DGKB: variants seen among roughly 807,000 people sequenced by gnomAD.
The protein encoded by DGKB is 90 kDa diacylglycerol kinase.
In DGKB, 67 loss-of-function variants were observed where a neutral mutation model predicts 114.3. That is an observed-to-expected ratio of 0.59 (90% confidence interval 0.48 to 0.72). The LOEUF is 0.72. DGKB is among the 30% of genes least tolerant of loss of function. DGKB has a pLI of 0.00. For missense variants in DGKB, 907 were observed against 975.2 expected, an observed-to-expected ratio of 0.93 and a Z score of 0.93; for synonymous variants, 398 against 323.1, an observed-to-expected ratio of 1.23 and a Z score of -2.49.
At chr7:14,362,694 T>A (rs1815973048) in intron 21 of DGKB, among the ~76,000 whole-genome samples, 1 of 152,042 alleles carries the variant, frequency 6.6e-6, no homozygotes, top group Non-Finnish European at 1.5e-5. Context: ...TCTAGTCAAT[T>A]TCTGGACTAA....
intron 2 of DGKB, among the ~76,000 whole-genome samples, chr7:14,809,986 C>G (rs2128076022): frequency 6.6e-6 from 1 of 152,312 alleles, no homozygotes; most frequent in African/African-American, 2.4e-5. Context: ...TCCACTAAAT[C>G]TGATGCACAA....
At chr7:14,803,212 G>A (rs1444585437) in intron 2 of DGKB, among the ~76,000 whole-genome samples, 1 of 152,042 alleles carries the variant, frequency 6.6e-6, no homozygotes, top group Non-Finnish European at 1.5e-5. Flanking sequence ...GAGCAGTTGA[G>A]CTTATAAGTG....
intron 1 of DGKB, among the ~76,000 whole-genome samples, chr7:14,941,374 T>G (rs1253652528): frequency 9.2e-5 from 14 of 152,126 alleles, no homozygotes; most frequent in Admixed American, 9.2e-4. Context: ...TGTATCATTT[T>G]GGGATCCAGC....
intron 13 of DGKB, among the ~76,000 whole-genome samples, chr7:14,672,232 T>C (rs955983659): frequency 1.3e-5 from 2 of 152,142 alleles, no homozygotes; most frequent in Non-Finnish European, 2.9e-5. Context: ...ATGTTGTTTT[T>C]CAAAATGAGA....
At chr7:14,820,304 C>T (rs1258281316) in intron 2 of DGKB, among the ~76,000 whole-genome samples, 2 of 152,102 alleles carry the variant, frequency 1.3e-5, no homozygotes, top group African/African-American at 4.8e-5. Flanking sequence ...AATATCTAGG[C>T]AATCTCGTGT....
rs568778851 is a variant in DGKB, at chr7:14,376,265, G to T, written c.1836-30874C>A. 1.7e-4 allele frequency among the ~76,000 whole-genome samples: 26 copies of T among 152,164 alleles called. No individual in the cohort carries two copies. The South Asian group carries it at 5.2e-3, about 30-fold the overall frequency. On this transcript the variant is annotated intron_variant, in intron 21 of 25. Transcript: ENST00000402815. The stretch of plus-strand genomic sequence containing the variant: ...AGACTGGGCCAAGAGAATTTTTCAT[G>T]GTTCACCAAGATCACCTGCTGTGAT...
chr7:14,399,686 T>C lies in DGKB; in HGVS notation c.1836-54295A>G, dbSNP rs114011661. On this transcript the variant is annotated intron_variant, in intron 21 of 25. Transcript: ENST00000402815. ...AAACTTAGAGTTGATAGTACTTTAA[T>C]TGAGAAAGACTATGGGATGACATCC... Among the ~76,000 whole-genome samples, 588 of 151,968 alleles carry C rather than the reference T, an allele frequency of 3.9e-3. 3 individuals are homozygous for C. The highest frequency in any genetic ancestry group is 0.013 in the African/African-American group (557 of 41,530).
At chr7:14,872,406 G>T (rs1423485547) in intron 1 of DGKB, among the ~76,000 whole-genome samples, 4 of 152,140 alleles carry the variant, frequency 2.6e-5, no homozygotes, top group Admixed American at 1.3e-4. Context: ...ACTGATGTTG[G>T]CATATGTGAT....
intron 23 of DGKB, among the ~76,000 whole-genome samples, chr7:14,249,859 CCTT>C (rs1162638249): frequency 6.6e-6 from 1 of 151,924 alleles, no homozygotes; most frequent in African/African-American, 2.4e-5. Flanking sequence ...TTATTTCCCT[CCTT>C]CTGCTAATTT....
chr7:14,674,551 T>C (rs1819536324), intron 12 of DGKB, among the ~76,000 whole-genome samples: 1 of 152,142 alleles, frequency 6.6e-6, no homozygotes, highest in Non-Finnish European at 1.5e-5. Flanking sequence ...TCCCAAAAGA[T>C]ATGCTGAAGT....
At chr7:14,959,185 GA>G (rs796934408) in intron 1 of DGKB, among the ~76,000 whole-genome samples, 9 of 151,832 alleles carry the variant, frequency 5.9e-5, no homozygotes, top group Admixed American at 2.0e-4. Context: ...ATATTCTTCA[GA>G]AAAAAATATT....
intron 13 of DGKB, among the ~76,000 whole-genome samples, chr7:14,659,516 T>C (rs1381535795): frequency 6.7e-6 from 1 of 149,770 alleles, no homozygotes; most frequent in African/African-American, 2.5e-5. Flanking sequence ...AGTTCACTCA[T>C]GATTTGGCTC....
At chr7:14,326,350 G>A (rs551974354) in intron 23 of DGKB, among the ~76,000 whole-genome samples, 10 of 151,892 alleles carry the variant, frequency 6.6e-5, no homozygotes, top group African/African-American at 2.2e-4. Context: ...TGGGAAGATT[G>A]AAAACCAAAA....
chr7:14,177,785 T>C (rs1782007842), intron 24 of DGKB, among the ~76,000 whole-genome samples: 1 of 152,138 alleles, frequency 6.6e-6, no homozygotes, highest in Non-Finnish European at 1.5e-5. Flanking sequence ...TATGTTTGAA[T>C]TCGTGCATCA....
At chr7:14,711,418 A>C (rs903697962) in intron 6 of DGKB, among the ~76,000 whole-genome samples, 4 of 152,168 alleles carry the variant, frequency 2.6e-5, no homozygotes, top group Admixed American at 2.0e-4. Context: ...TGATAAGTCT[A>C]CTTTTCTAAT....
In DGKB at chr7:14,417,617, A is replaced by T. The variant is rs182771040; in HGVS notation, c.1835+60544T>A. The stretch of plus-strand genomic sequence containing the variant: ...CAATTTAAGAAACTCCCTAAATAAT[A>T]ATCTGCAGCTCAATTTTGGTTAAGT... On this transcript the variant is annotated intron_variant, in intron 21 of 25. Coordinates refer to ENST00000402815, the MANE Select transcript of DGKB (RefSeq NM_001350709.2). Among the ~76,000 whole-genome samples the T allele has an allele frequency of 2.6e-5, 4 of 152,116 alleles. No individual in the cohort carries two copies. The East Asian group carries it at 7.7e-4, about 29-fold the overall frequency.
intron 21 of DGKB, among the ~76,000 whole-genome samples, chr7:14,395,299 C>A (rs890921777): frequency 3.9e-5 from 6 of 151,966 alleles, no homozygotes; most frequent in African/African-American, 1.4e-4. Flanking sequence ...TTACTCTCAC[C>A]CTACCTTTTG....
At chr7:14,214,704 A>C (rs1788680256) in intron 23 of DGKB, among the ~76,000 whole-genome samples, 1 of 152,136 alleles carries the variant, frequency 6.6e-6, no homozygotes, top group African/African-American at 2.4e-5. Context: ...GAAGTTTCAA[A>C]AGGAAAAGTT....
At chr7:14,561,482 G>T (rs1796649778) in intron 20 of DGKB, among the ~76,000 whole-genome samples, 1 of 152,158 alleles carries the variant, frequency 6.6e-6, no homozygotes, top group African/African-American at 2.4e-5. Context: ...ACAGGCAGAA[G>T]ATGGAACAGT....
Sources: gnomAD v4.1 joint callset for allele counts (sites outside exome capture counted in the v4.1 genomes callset) on GRCh38, gnomAD v4.1.1 for gene constraint, MANE v1.5 for transcripts, NCBI Gene and HGNC (gene_info 2026-07-23, HGNC 2026-07-21) for gene names.